The following GABRA2 variants were observed in gnomAD, a reference collection of about 807,000 sequenced individuals.
GABRA2 encodes gamma-aminobutyric acid type A receptor subunit alpha2.
A neutral mutation model predicts 48.7 loss-of-function variants in GABRA2; 16 were observed. The observed-to-expected ratio is 0.33, with a 90% CI of 0.22 to 0.50. The LOEUF (loss-of-function observed/expected upper bound fraction) is 0.50. Among genes scored for constraint, GABRA2 ranks in the 20% least tolerant of loss-of-function variants. The pLI is 0.98. For missense variants in GABRA2, 275 were observed against 535.6 expected (o/e 0.51, Z 4.80); for synonymous variants, 185 against 184.5 (o/e 1.00, Z -0.02).
At position 46,245,175 on chromosome 4, in the gene GABRA2, T is replaced by C. The variant is rs752796491; in HGVS notation, c.*5133A>G. Among the ~76,000 whole-genome samples the C allele has an allele frequency of 6.6e-6, 1 of 151,298 alleles. No homozygotes were observed. Among genetic ancestry groups the C allele is most frequent in the Non-Finnish European group, 1.5e-5 (1 of 67,476 alleles). On this transcript the variant is annotated 3_prime_UTR_variant, in exon 10 of 10. Coordinates refer to ENST00000381620, the MANE Select transcript of GABRA2 (RefSeq NM_000807.4). ...CTGCTGTGAGGACTGAATGAACTAA[T>C]ATGCATAAAAAACTTAGAACGTTGA...
chr4:46,297,933 T>C (rs1178595944), intron 8 of GABRA2, among the ~76,000 whole-genome samples: 10 of 152,106 alleles, frequency 6.6e-5, no homozygotes, highest in Admixed American at 6.5e-4. Flanking sequence ...ATGGTGTGTT[T>C]TCATTTTAAT....
At chr4:46,257,903 G>T (rs771702509) in intron 9 of GABRA2, among the ~76,000 whole-genome samples, 2 of 151,728 alleles carry the variant, frequency 1.3e-5, no homozygotes, top group African/African-American at 4.8e-5. Flanking sequence ...TATAAGATTA[G>T]GTTGTGGCAT....
chr4:46,327,537 A>G (rs1404780476), intron 4 of GABRA2, among the ~76,000 whole-genome samples: 3 of 152,008 alleles, frequency 2.0e-5, no homozygotes, highest in Admixed American at 2.0e-4. Context: ...AGGGTTTGCC[A>G]TGTTTGTCAC....
intron 3 of GABRA2, among the ~76,000 whole-genome samples, chr4:46,338,973 C>T (rs1225504209): frequency 2.0e-5 from 3 of 151,842 alleles, no homozygotes; most frequent in Non-Finnish European, 2.9e-5. Flanking sequence ...ATCTCTAAGG[C>T]TAATCAGGTT....
At chr4:46,388,091 T>C (rs1717716135) in intron 2 of GABRA2, among the ~76,000 whole-genome samples, 1 of 152,144 alleles carries the variant, frequency 6.6e-6, no homozygotes, top group Non-Finnish European at 1.5e-5. Flanking sequence ...ATGCAAAAAG[T>C]CGATGATTAA....
At chr4:46,279,030 T>C (rs900534538) in intron 8 of GABRA2, among the ~76,000 whole-genome samples, 4 of 151,878 alleles carry the variant, frequency 2.6e-5, no homozygotes, top group African/African-American at 9.7e-5. Flanking sequence ...AAGTGAATTA[T>C]CAAAACAGAA....
intron 8 of GABRA2, among the ~76,000 whole-genome samples, chr4:46,277,634 A>G (rs2109441856): frequency 6.6e-6 from 1 of 152,170 alleles, no homozygotes. Flanking sequence ...CTCTCTTTGC[A>G]TTATTTTGTT....
chr4:46,329,316 A>T lies in GABRA2; in HGVS notation c.255+3299T>A, dbSNP rs1260793060. ...TAGAGGGTGCTGGAGGGACACTCCA[A>T]TGTAGTCACAAGAGAAGGGAGCTTT... On this transcript the variant is annotated intron_variant, in intron 4 of 9. Coordinates refer to ENST00000381620, the MANE Select transcript of GABRA2 (RefSeq NM_000807.4). Among the ~76,000 whole-genome samples, 3 of 152,138 alleles carry T rather than the reference A, an allele frequency of 2.0e-5. No homozygotes were observed. In the East Asian group the frequency reaches 5.8e-4, roughly 29 times the overall value.
rs554923436 is a variant in GABRA2, at chr4:46,377,642, G to T, written c.187+8432C>A. ...CCCGCCCGGCTAGCCGCCCGGTCCA[G>T]GAGGTGAGGGGCGCCTCTGCCCGGC... On this transcript the variant is annotated intron_variant, in intron 3 of 9. Coordinates refer to ENST00000381620, the MANE Select transcript of GABRA2 (RefSeq NM_000807.4). Among the ~76,000 whole-genome samples the T allele has an allele frequency of 1.5e-4, 22 of 149,922 alleles. No individual in the cohort carries two copies. In the South Asian group the frequency reaches 4.4e-3, roughly 30 times the overall value.
intron 8 of GABRA2, among the ~76,000 whole-genome samples, chr4:46,294,231 A>C (rs1724216247): frequency 6.6e-6 from 1 of 152,256 alleles, no homozygotes; most frequent in Non-Finnish European, 1.5e-5. Flanking sequence ...GCTGATTGCA[A>C]CCAGCAACCA....
At chr4:46,261,434 TATA>T (rs1716954327) in intron 9 of GABRA2, 1 of 161,866 alleles carries the variant, frequency 6.2e-6, no homozygotes, top group East Asian at 1.7e-4. Flanking sequence ...CCTGGAATTC[TATA>T]ATAAGTAAAA....
At chr4:46,378,394 C>G (rs1036405844) in intron 3 of GABRA2, among the ~76,000 whole-genome samples, 9 of 151,914 alleles carry the variant, frequency 5.9e-5, no homozygotes, top group Non-Finnish European at 1.0e-4. Context: ...TGTGCTGTAT[C>G]CACTCAGGGT....
intron 9 of GABRA2, chr4:46,260,799 C>T (rs1577794444): frequency 1.3e-5 from 2 of 151,780 alleles, no homozygotes; most frequent in East Asian, 1.9e-4. Flanking sequence ...TTGTTGGCTC[C>T]GTTAGTAGGG....
chr4:46,321,761 T>C (rs1198185277), intron 4 of GABRA2, among the ~76,000 whole-genome samples: 2 of 152,014 alleles, frequency 1.3e-5, no homozygotes, highest in African/African-American at 4.8e-5. Context: ...AGGAAGATAG[T>C]CTGGCATAAA....
intron 3 of GABRA2, among the ~76,000 whole-genome samples, chr4:46,348,939 A>T (rs113631394): frequency 2.0e-3 from 46 of 23,228 alleles, no homozygotes; most frequent in South Asian, 7.7e-3. Context: ...AATAAAATTT[A>T]AAAAAAAAGA....
At chr4:46,304,402 G>T (rs1726274524) in intron 7 of GABRA2, among the ~76,000 whole-genome samples, 1 of 151,864 alleles carries the variant, frequency 6.6e-6, no homozygotes, top group Non-Finnish European at 1.5e-5. Context: ...CTTCCTTTCT[G>T]CTCCCTGGGT....
intron 3 of GABRA2, among the ~76,000 whole-genome samples, chr4:46,349,686 G>C (rs1185442526): frequency 6.6e-6 from 1 of 151,774 alleles, no homozygotes; most frequent in South Asian, 2.1e-4. Flanking sequence ...GGATCTCCTG[G>C]ATCAGTCTCA....
intron 3 of GABRA2, among the ~76,000 whole-genome samples, chr4:46,370,441 G>A (rs1348439845): frequency 6.6e-6 from 1 of 152,066 alleles, no homozygotes; most frequent in Non-Finnish European, 1.5e-5. Context: ...GGAAAAAGGA[G>A]TTTTCAAGTG....
chr4:46,246,343 ATTTAC>A lies in GABRA2; in HGVS notation c.*3960_*3964del, dbSNP rs1713712311. The stretch of plus-strand genomic sequence containing the variant: ...TGGATATTAAATAATTATGTTAAAT[ATTTAC>A]TTTAATTTTTAGAGCATGAATTCAG... On this transcript the variant is annotated 3_prime_UTR_variant, in exon 10 of 10. Coordinates refer to ENST00000381620, the MANE Select transcript of GABRA2 (RefSeq NM_000807.4). Among the ~76,000 whole-genome samples the A allele has an allele frequency of 6.6e-6, 1 of 151,018 alleles. No individual in the cohort carries two copies. The highest frequency in any genetic ancestry group is 2.4e-5 in the African/African-American group (1 of 41,286).
Sources: allele counts gnomAD v4.1 joint callset (sites outside exome capture counted in the v4.1 genomes callset), GRCh38; gene constraint gnomAD v4.1.1; transcripts MANE v1.5; gene names NCBI Gene and HGNC (gene_info 2026-07-23, HGNC 2026-07-21).